Variants in CNTN5 observed in about 807,000 individuals in gnomAD.
CNTN5 encodes the protein contactin-5.
Under a neutral mutation model 129.1 loss-of-function variants are expected in CNTN5, and 77 were observed. The ratio of observed to expected loss-of-function variants is 0.60; its 90% CI spans 0.50 to 0.72. The LOEUF (loss-of-function observed/expected upper bound fraction) is 0.72, where lower values mean the gene tolerates loss of function less well. Ranked by LOEUF, CNTN5 falls within the 30% of genes least tolerant of loss-of-function variation. The pLI, the probability that CNTN5 is intolerant of heterozygous loss-of-function variation, is 0.00. For synonymous variants in CNTN5, 509 were observed against 465.6 expected (o/e 1.09, Z -1.20); for missense variants, 1,478 against 1,328.8 (o/e 1.11, Z -1.75).
chr11:99,448,375 TCTG>T (rs1482591484), intron 2 of CNTN5, among the ~76,000 whole-genome samples: 12 of 152,198 alleles, frequency 7.9e-5, no homozygotes, highest in African/African-American at 2.9e-4. Context: ...GTCAATACAT[TCTG>T]CTGCTATTAG....
intron 1 of CNTN5, among the ~76,000 whole-genome samples, chr11:99,199,629 G>T (rs1229510595): frequency 1.3e-5 from 2 of 152,016 alleles, no homozygotes; most frequent in Non-Finnish European, 2.9e-5. Context: ...GACCACCTGG[G>T]GCAGAATTTC....
chr11:99,556,814 T>C (rs1353864146), intron 3 of CNTN5, among the ~76,000 whole-genome samples: 1 of 150,876 alleles, frequency 6.6e-6, no homozygotes, highest in Admixed American at 6.6e-5. Flanking sequence ...TCACCTTCTC[T>C]GACTTTGTTG....
chr11:100,061,361 A>G lies in CNTN5; in HGVS notation c.1130A>G (p.Lys377Arg). The part of the protein sequence containing the change: ...YECRAENSRG[K>R]NSFRGQLQVY... ...TGCAGAGCTGAAAACTCACGTGGAA[A>G]AAATTCCTTTCGTGGACAATTACAA... Residue 377 changes from lysine (K) to arginine (R), a missense_variant, in exon 10 of 25, where the codon AAA becomes AGA. Lys to Arg is a conservative substitution (Grantham distance 26, BLOSUM62 2). Transcript: ENST00000524871. 1.9e-6 allele frequency: 3 copies of G among 1,599,698 alleles called. No individual in the cohort carries two copies. Among genetic ancestry groups the G allele is most frequent in the East Asian group, 4.5e-5 (2 of 44,566 alleles).
intron 13 of CNTN5, among the ~76,000 whole-genome samples, chr11:100,144,686 C>A (rs567220383): frequency 6.6e-6 from 1 of 151,952 alleles, no homozygotes; most frequent in East Asian, 1.9e-4. Flanking sequence ...AAATTCTAAT[C>A]TAGGTGATTA....
At chr11:99,853,556 T>G (rs10894014) in intron 6 of CNTN5, among the ~76,000 whole-genome samples, 27,965 of 151,946 alleles carry the variant, frequency 0.18, 2,717 homozygotes, top group African/African-American at 0.23. Flanking sequence ...TGCGCCACCA[T>G]GCCTGGCTAA....
intron 1 of CNTN5, among the ~76,000 whole-genome samples, chr11:99,055,311 A>T (rs1864584886): frequency 6.6e-6 from 1 of 152,064 alleles, no homozygotes; most frequent in South Asian, 2.1e-4. Flanking sequence ...ACTTAAGAGG[A>T]TATTGGAATC....
intron 2 of CNTN5, among the ~76,000 whole-genome samples, chr11:99,329,802 A>G (rs1412028223): frequency 1.3e-5 from 2 of 152,082 alleles, no homozygotes; most frequent in Middle Eastern, 3.2e-3. Flanking sequence ...CTCAATTTTT[A>G]TAAACCTCAA....
intron 2 of CNTN5, among the ~76,000 whole-genome samples, chr11:99,519,919 G>T (rs1947209561): frequency 6.6e-6 from 1 of 152,032 alleles, no homozygotes; most frequent in Non-Finnish European, 1.5e-5. Flanking sequence ...CAGACTTTAA[G>T]TGGATAGTCA....
chr11:100,052,764 A>G (rs1423661513), intron 9 of CNTN5, among the ~76,000 whole-genome samples: 1 of 151,824 alleles, frequency 6.6e-6, no homozygotes, highest in Non-Finnish European at 1.5e-5. Context: ...GTAGAAAAAG[A>G]AACAAACTTA....
intron 1 of CNTN5, among the ~76,000 whole-genome samples, chr11:99,265,274 T>C (rs972557898): frequency 6.6e-6 from 1 of 152,068 alleles, no homozygotes; most frequent in African/African-American, 2.4e-5. Flanking sequence ...TATTGTAGAA[T>C]TGTGTGCAAA....
intron 3 of CNTN5, among the ~76,000 whole-genome samples, chr11:99,706,711 C>A (rs761801932): frequency 2.0e-5 from 3 of 151,326 alleles, no homozygotes; most frequent in Non-Finnish European, 4.4e-5. Flanking sequence ...CGAGTGAATT[C>A]TATCTATCTT....
chr11:99,330,509 C>A (rs1233428835), intron 2 of CNTN5, among the ~76,000 whole-genome samples: 1 of 152,102 alleles, frequency 6.6e-6, no homozygotes, highest in Non-Finnish European at 1.5e-5. Context: ...ACACAGCACC[C>A]TTTCCTAATT....
intron 4 of CNTN5, among the ~76,000 whole-genome samples, chr11:99,831,360 A>G (rs914091106): frequency 7.2e-5 from 11 of 152,302 alleles, no homozygotes; most frequent in Admixed American, 6.5e-4. Flanking sequence ...AAAAGGTCAG[A>G]TGAATATAGA....
intron 15 of CNTN5, among the ~76,000 whole-genome samples, chr11:100,220,121 C>CA (rs1453084638): frequency 6.6e-6 from 1 of 151,782 alleles, no homozygotes; most frequent in East Asian, 1.9e-4. Context: ...ACTAAAAATA[C>CA]AAAAAATTAG....
At chr11:99,703,140 G>T (rs2510970) in intron 3 of CNTN5, among the ~76,000 whole-genome samples, 7 of 148,996 alleles carry the variant, frequency 4.7e-5, no homozygotes. Context: ...TAATGATTGC[G>T]TATTTATAAT....
At chr11:99,686,402 C>A (rs2134749099) in intron 3 of CNTN5, among the ~76,000 whole-genome samples, 1 of 151,852 alleles carries the variant, frequency 6.6e-6, no homozygotes, top group Admixed American at 6.6e-5. Flanking sequence ...ATTTCGGTTT[C>A]TTTTTGCTTC....
chr11:99,123,442 A>T lies in CNTN5; in HGVS notation c.-210+102172A>T, dbSNP rs578027100. Among the ~76,000 whole-genome samples the T allele has an allele frequency of 1.8e-4, 27 of 151,790 alleles. No homozygotes were observed. In the East Asian group the frequency reaches 5.0e-3, roughly 28 times the overall value. ...ATTTATTATAGATTCTGAATATTAG[A>T]CCTTTGTCAGATGCATAGTTTGCAA... On this transcript the variant is annotated intron_variant, in intron 1 of 24. Transcript: ENST00000524871.
At position 100,222,009 on chromosome 11, in the gene CNTN5, C is replaced by T. The variant is rs1448673930; in HGVS notation, c.1885-2683C>T. On this transcript the variant is annotated intron_variant, in intron 15 of 24. Coordinates refer to ENST00000524871, the MANE Select transcript of CNTN5 (RefSeq NM_014361.4). ...GTGAGCTGAGATTTAGTATAATGGG[C>T]TCCCACATGAATTCCTCTCATTACT... is the stretch of plus-strand genomic sequence containing the variant. 3.9e-5 allele frequency among the ~76,000 whole-genome samples: 6 copies of T among 152,164 alleles called. 1 individual carries two copies. Among genetic ancestry groups the T allele is most frequent in the Admixed American group, 2.0e-4 (3 of 15,276 alleles).
At chr11:99,023,441 G>A (rs1301862878) in intron 1 of CNTN5, among the ~76,000 whole-genome samples, 1 of 152,166 alleles carries the variant, frequency 6.6e-6, no homozygotes, top group East Asian at 1.9e-4. Flanking sequence ...TGGACCAGAG[G>A]GTGCCAGTAA....
Sources: allele counts gnomAD v4.1 joint callset (sites outside exome capture counted in the v4.1 genomes callset), GRCh38; gene constraint gnomAD v4.1.1; transcripts MANE v1.5; gene names NCBI Gene and HGNC (gene_info 2026-07-23, HGNC 2026-07-21).